PKP2: variants seen among roughly 807,000 people sequenced by gnomAD.
The protein encoded by PKP2 is plakophilin-2.
In PKP2, 73 loss-of-function variants were observed where a neutral mutation model predicts 83.4. The ratio of observed to expected loss-of-function variants is 0.88; its 90% CI spans 0.72 to 1.06. PKP2 has a LOEUF of 1.06. Among genes scored for constraint, PKP2 ranks in the 50% least tolerant of loss-of-function variants. The pLI is 0.00. For synonymous variants in PKP2, 409 were observed against 430.4 expected (o/e 0.95, Z 0.62); for missense variants, 966 against 1,065.4 (o/e 0.91, Z 1.30).
At chr12:32,868,169 T>C (rs56085447) in intron 4 of PKP2, among the ~76,000 whole-genome samples, 2,796 of 152,348 alleles carry the variant, frequency 0.018, 39 homozygotes, top group Non-Finnish European at 0.027. Flanking sequence ...TTTTTGGTAA[T>C]GAGTGGCTGT....
At chr12:32,881,717 C>T (rs765759749) in intron 1 of PKP2, among the ~76,000 whole-genome samples, 3 of 152,194 alleles carry the variant, frequency 2.0e-5, no homozygotes, top group Non-Finnish European at 1.5e-5. Context: ...TGCAATGGCA[C>T]GATCTCGGCT....
At chr12:32,794,181 C>A (rs1323157828) in intron 11 of PKP2, among the ~76,000 whole-genome samples, 1 of 152,154 alleles carries the variant, frequency 6.6e-6, no homozygotes, top group Non-Finnish European at 1.5e-5. Context: ...TTATTAGTAA[C>A]CCCTGGACTT....
In PKP2 at chr12:32,855,742, C is replaced by T. The variant is rs77095068; in HGVS notation, c.1171-4769G>A. On this transcript the variant is annotated intron_variant, in intron 4 of 12. Transcript: ENST00000340811. ...AGTGAGCCGAGATCAAGCCTCTGCA[C>T]TCCAGCCTGGGCGACAGAGAGACTC... is the stretch of plus-strand genomic sequence containing the variant. Among the ~76,000 whole-genome samples, 33 of 132,148 alleles carry T rather than the reference C, an allele frequency of 2.5e-4. No individual in the cohort carries two copies. In the East Asian group the frequency reaches 7.4e-3, roughly 30 times the overall value. The allele number at this position is 132,148 out of a possible 152,430, so 86.7% of individuals were successfully genotyped here.
intron 6 of PKP2, among the ~76,000 whole-genome samples, chr12:32,835,729 T>A (rs972541348): frequency 6.6e-6 from 1 of 152,206 alleles, no homozygotes; most frequent in Non-Finnish European, 1.5e-5. Flanking sequence ...TAATGGAAAT[T>A]CAATGCTAGC....
chr12:32,804,232 G>T (rs1295299930), intron 9 of PKP2, among the ~76,000 whole-genome samples: 1 of 152,202 alleles, frequency 6.6e-6, no homozygotes, highest in African/African-American at 2.4e-5. Context: ...TAGGGATGAG[G>T]AGGCATTCTG....
At chr12:32,793,173 G>A (rs1183574357) in intron 11 of PKP2, among the ~76,000 whole-genome samples, 3 of 151,944 alleles carry the variant, frequency 2.0e-5, no homozygotes, top group Admixed American at 1.3e-4. Flanking sequence ...CCCGGGAGGC[G>A]GAGGTTGCAG....
rs1423549365 is a variant in PKP2, at chr12:32,792,332, G to C, written c.*92C>G. On this transcript the variant is annotated 3_prime_UTR_variant, in exon 13 of 13. Coordinates refer to ENST00000340811, the MANE Select transcript of PKP2 (RefSeq NM_001005242.3). ...CGGAAATAGAGAAGGATAGAAACAAGGCATGCTTTTGAGGTTTCTTGGGCT... is the reference window on the plus strand; with the variant it reads ...CGGAAATAGAGAAGGATAGAAACAACGCATGCTTTTGAGGTTTCTTGGGCT... 5 of 876,208 alleles carry C rather than the reference G, an allele frequency of 5.7e-6. No homozygotes were observed. The highest frequency in any genetic ancestry group is 9.8e-6 in the Non-Finnish European group (5 of 509,488). The allele number at this position is 876,208 out of a possible 1,614,324, so 54.3% of individuals were successfully genotyped here. A position where few individuals can be genotyped will look rare whatever the true frequency, so the allele number is the denominator to read the frequency against.
At chr12:32,870,831 G>A (rs546274009) in intron 3 of PKP2, among the ~76,000 whole-genome samples, 1 of 152,004 alleles carries the variant, frequency 6.6e-6, no homozygotes, top group Non-Finnish European at 1.5e-5. Context: ...CATGACTCAG[G>A]AAAGTTTGAA....
chr12:32,796,701 G>T (rs1427643989), intron 10 of PKP2, among the ~76,000 whole-genome samples: 1 of 152,016 alleles, frequency 6.6e-6, no homozygotes, highest in Admixed American at 6.5e-5. Flanking sequence ...GCCCGGCCAA[G>T]AACTTTCTTA....
intron 12 of PKP2, 43 bp downstream of exon 12, chr12:32,792,601 C>CTTCCCAG: frequency 6.3e-7 from 1 of 1,578,396 alleles, no homozygotes; most frequent in East Asian, 2.2e-5. Flanking sequence ...CCATTATTAC[C>CTTCCCAG]TGGCTCTGTT....
chr12:32,838,163 G>A (rs551608367), intron 6 of PKP2, among the ~76,000 whole-genome samples: 2 of 152,272 alleles, frequency 1.3e-5, no homozygotes, highest in Non-Finnish European at 2.9e-5. Context: ...GAATGAAATC[G>A]TGTCCTTGGC....
intron 3 of PKP2, among the ~76,000 whole-genome samples, chr12:32,875,359 G>C (rs1956922801): frequency 1.3e-5 from 2 of 152,160 alleles, no homozygotes; most frequent in African/African-American, 4.8e-5. Flanking sequence ...AGGAAAGAGA[G>C]AGAGAATGAA....
chr12:32,819,308 C>CAATAAAATAA (rs1271671020), intron 9 of PKP2, among the ~76,000 whole-genome samples: 2,991 of 69,068 alleles, frequency 0.043, 47 homozygotes, highest in Non-Finnish European at 0.094. Context: ...CAATACAATA[C>CAATAAAATAA]AATACAATAA....
At chr12:32,881,458 C>T (rs952090147) in intron 1 of PKP2, among the ~76,000 whole-genome samples, 15 of 152,078 alleles carry the variant, frequency 9.9e-5, no homozygotes, top group African/African-American at 2.4e-4. Flanking sequence ...GATGGAGTCT[C>T]GCTATGTTGC....
At chr12:32,872,040 G>A (rs1956900132) in intron 3 of PKP2, among the ~76,000 whole-genome samples, 1 of 152,100 alleles carries the variant, frequency 6.6e-6, no homozygotes, top group African/African-American at 2.4e-5. Context: ...AATGTGTCTT[G>A]GGAGATGGCG....
intron 9 of PKP2, among the ~76,000 whole-genome samples, chr12:32,819,202 C>G (rs1243619139): frequency 6.6e-6 from 1 of 151,744 alleles, no homozygotes; most frequent in Non-Finnish European, 1.5e-5. Context: ...TGCTTGAACC[C>G]GGGAGGCAGA....
At chr12:32,834,184 T>G (rs1272661803) in intron 6 of PKP2, among the ~76,000 whole-genome samples, 1 of 152,196 alleles carries the variant, frequency 6.6e-6, no homozygotes, top group Non-Finnish European at 1.5e-5. Context: ...CATGATCTCT[T>G]CAGGTGCCAG....
chr12:32,877,814 T>A (rs1305940008), intron 3 of PKP2, 32 bp downstream of exon 3: 5 of 1,480,516 alleles, frequency 3.4e-6, no homozygotes, highest in African/African-American at 1.4e-5. Context: ...GTGCTGGCAA[T>A]GACTGAACTG....
At chr12:32,835,050 CT>C (rs539378535) in intron 6 of PKP2, among the ~76,000 whole-genome samples, 32 of 125,874 alleles carry the variant, frequency 2.5e-4, no homozygotes, top group Middle Eastern at 4.5e-3. Flanking sequence ...ACAGCCATTT[CT>C]TTTTTTTTTT....
Sources: allele counts gnomAD v4.1 joint callset (sites outside exome capture counted in the v4.1 genomes callset), GRCh38; gene constraint gnomAD v4.1.1; transcripts MANE v1.5; gene names NCBI Gene and HGNC (gene_info 2026-07-23, HGNC 2026-07-21).